Variants in CPPED1 observed in about 807,000 individuals in gnomAD.
CPPED1 encodes serine/threonine-protein phosphatase CPPED1.
CPPED1 carries 28 observed loss-of-function variants against 28.0 expected under a neutral mutation model. The ratio of observed to expected loss-of-function variants is 1.00; its 90% CI spans 0.74 to 1.37. The LOEUF is 1.37. Ranked by LOEUF, CPPED1 falls within the 40% of genes most tolerant of loss-of-function variation. The probability of loss-of-function intolerance (pLI) is 0.00; values close to 1 mark genes in which losing one functional copy is unlikely to be tolerated. For missense variants in CPPED1, 504 were observed against 416.5 expected, an observed-to-expected ratio of 1.21 and a Z score of -1.83; for synonymous variants, 198 against 180.2, an observed-to-expected ratio of 1.10 and a Z score of -0.79.
intron 2 of CPPED1, among the ~76,000 whole-genome samples, chr16:12,746,581 C>T (rs1193022847): frequency 6.6e-6 from 1 of 152,044 alleles, no homozygotes; most frequent in Non-Finnish European, 1.5e-5. Context: ...ACGAAGCCCA[C>T]CAGAAATGGC....
intron 2 of CPPED1, among the ~76,000 whole-genome samples, chr16:12,773,437 C>G (rs895992021): frequency 6.6e-6 from 1 of 152,116 alleles, no homozygotes; most frequent in Non-Finnish European, 1.5e-5. Context: ...AAAAAGTGGC[C>G]CCGACTCGGC....
intron 1 of CPPED1, among the ~76,000 whole-genome samples, chr16:12,801,221 G>C (rs943356610): frequency 2.6e-5 from 4 of 152,170 alleles, no homozygotes; most frequent in African/African-American, 7.2e-5. Context: ...AGCCTCCCAA[G>C]TAGCTAGGAC....
At chr16:12,795,822 GC>G (rs1432763227) in intron 1 of CPPED1, among the ~76,000 whole-genome samples, 6 of 152,136 alleles carry the variant, frequency 3.9e-5, no homozygotes. Context: ...GGTGGCTTAG[GC>G]CTGTAATCCC....
At chr16:12,746,582 C>A (rs944097091) in intron 2 of CPPED1, among the ~76,000 whole-genome samples, 2 of 152,022 alleles carry the variant, frequency 1.3e-5, no homozygotes, top group African/African-American at 4.8e-5. Flanking sequence ...CGAAGCCCAC[C>A]AGAAATGGCA....
At chr16:12,752,015 C>T (rs540816783) in intron 2 of CPPED1, among the ~76,000 whole-genome samples, 2 of 152,132 alleles carry the variant, frequency 1.3e-5, no homozygotes, top group South Asian at 4.1e-4. Context: ...AGAATTCAAA[C>T]CCAGTTTTGT....
In CPPED1 at chr16:12,711,272, C is replaced by T. The variant is rs1423430205; in HGVS notation, c.290-6223G>A. Among the ~76,000 whole-genome samples, 6 of 152,238 alleles carry T rather than the reference C, an allele frequency of 3.9e-5. No individual in the cohort carries two copies. The East Asian group carries it at 9.6e-4, about 24-fold the overall frequency. ...TGTTTGATGTCACTTATATGAGGCA[C>T]TTAGAGTGGTCAAATTCAGAGGCAG... On this transcript the variant is annotated intron_variant, in intron 2 of 3. Transcript: ENST00000381774.
chr16:12,775,064 C>T (rs571662331), intron 2 of CPPED1, among the ~76,000 whole-genome samples: 59 of 152,304 alleles, frequency 3.9e-4, no homozygotes, highest in Middle Eastern at 3.4e-3. Context: ...AAGCAATCCA[C>T]TTGCCTTGGC....
rs960769885 is a variant in CPPED1 at position 12,670,455 on chromosome 16, G to C, written c.716-5340C>G. Among the ~76,000 whole-genome samples the C allele has an allele frequency of 3.3e-5, 5 of 152,034 alleles. No homozygotes were observed. The highest frequency in any genetic ancestry group is 7.4e-5 in the Non-Finnish European group (5 of 68,020). On this transcript the variant is annotated intron_variant, in intron 3 of 3. Transcript: ENST00000381774. This position sits in a 1 kb window ranked among gnomAD's most constrained non-coding sequence, Gnocchi z 4.2. ...GTAGTGCATCTTTCTTCATCCCTTA[G>C]GTGTGGGCTGTGCATCCTGACTTCT... is the stretch of plus-strand genomic sequence containing the variant.
intron 2 of CPPED1, among the ~76,000 whole-genome samples, chr16:12,779,525 G>C (rs924457312): frequency 1.3e-5 from 2 of 151,888 alleles, no homozygotes; most frequent in African/African-American, 2.4e-5. Context: ...AGTAGCTGGG[G>C]TTACAGGTGC....
intron 2 of CPPED1, 68 bp downstream of exon 2, chr16:12,781,117 T>A (rs1411649135): frequency 4.5e-5 from 65 of 1,437,486 alleles, no homozygotes; most frequent in Non-Finnish European, 5.6e-5. Flanking sequence ...AATCTTTTTT[T>A]CTCCTGCCCA....
chr16:12,720,294 T>C (rs970435098), intron 2 of CPPED1: 1 of 154,284 alleles, frequency 6.5e-6, no homozygotes, highest in African/African-American at 2.4e-5. Context: ...AATACAAAAG[T>C]GTCAGCTTCT....
At chr16:12,746,325 G>A (rs148833082) in intron 2 of CPPED1, among the ~76,000 whole-genome samples, 138 of 142,720 alleles carry the variant, frequency 9.7e-4, no homozygotes, top group African/African-American at 3.4e-3. Context: ...AGTGAGCTGA[G>A]AGTGTACCAC....
intron 3 of CPPED1, among the ~76,000 whole-genome samples, chr16:12,695,774 T>C (rs2079986665): frequency 6.6e-6 from 1 of 152,220 alleles, no homozygotes; most frequent in African/African-American, 2.4e-5. Context: ...CTTTCCTTTT[T>C]CTGCCCACAA....
intron 1 of CPPED1, among the ~76,000 whole-genome samples, chr16:12,793,706 C>G (rs1046872257): frequency 3.9e-5 from 6 of 152,180 alleles, no homozygotes; most frequent in Admixed American, 2.0e-4. Context: ...CTACCCTTAT[C>G]TTAGCAGAGA....
chr16:12,790,080 G>A (rs781199329), intron 1 of CPPED1, among the ~76,000 whole-genome samples: 6 of 152,112 alleles, frequency 3.9e-5, no homozygotes, highest in South Asian at 2.1e-4. Flanking sequence ...AACATTATCA[G>A]GTGCAAAGCA....
chr16:12,744,471 C>T (rs1230527603), intron 2 of CPPED1, among the ~76,000 whole-genome samples: 1 of 152,168 alleles, frequency 6.6e-6, no homozygotes, highest in East Asian at 1.9e-4. Flanking sequence ...AAAAACTGGA[C>T]AAGAAACACG....
At chr16:12,679,196 T>C (rs2079892919) in intron 3 of CPPED1, among the ~76,000 whole-genome samples, 1 of 152,186 alleles carries the variant, frequency 6.6e-6, no homozygotes. Flanking sequence ...CCCCATTCGT[T>C]TTTCATGCTG....
At chr16:12,681,330 G>C (rs2079903780) in intron 3 of CPPED1, among the ~76,000 whole-genome samples, 1 of 151,984 alleles carries the variant, frequency 6.6e-6, no homozygotes, top group African/African-American at 2.4e-5. Flanking sequence ...GATGAATTTG[G>C]CCAGGCCCCT....
intron 2 of CPPED1, among the ~76,000 whole-genome samples, chr16:12,739,431 A>C (rs1327139340): frequency 6.6e-6 from 1 of 151,970 alleles, no homozygotes; most frequent in Non-Finnish European, 1.5e-5. Flanking sequence ...AATACAAAAT[A>C]TTAGTTGGGC....
Sources: allele counts gnomAD v4.1 joint callset (sites outside exome capture counted in the v4.1 genomes callset), GRCh38; gene constraint gnomAD v4.1.1; non-coding constraint Gnocchi (gnomAD v3.1); transcripts MANE v1.5; gene names NCBI Gene and HGNC (gene_info 2026-07-23, HGNC 2026-07-21).